GLMN: variants seen among roughly 807,000 people sequenced by gnomAD.
GLMN encodes glomulin.
A neutral mutation model predicts 87.8 loss-of-function variants in GLMN; 75 were observed. The observed-to-expected ratio is 0.85, with a 90% confidence interval of 0.71 to 1.04. The LOEUF (loss-of-function observed/expected upper bound fraction) is 1.04. Among genes scored for constraint, GLMN ranks in the 50% least tolerant of loss-of-function variants. The pLI is 0.00. For missense variants in GLMN, 588 were observed against 658.8 expected (o/e 0.89, Z 1.18); for synonymous variants, 206 against 221.6 (o/e 0.93, Z 0.63).
intron 7 of GLMN, among the ~76,000 whole-genome samples, chr1:92,277,482 T>G (rs1168378462): frequency 6.6e-6 from 1 of 152,178 alleles, no homozygotes; most frequent in South Asian, 2.1e-4. Flanking sequence ...CTGGATAGCC[T>G]CAGGATGGGA....
chr1:92,305,703 C>A, the GLMN span, among the ~76,000 whole-genome samples: 3 of 151,984 alleles, frequency 2.0e-5, no homozygotes, highest in East Asian at 1.9e-4. Context: ...ACACAAGGAA[C>A]TTGAATGGCT....
chr1:92,265,448 C>T (rs1655514095), intron 13 of GLMN, among the ~76,000 whole-genome samples: 1 of 152,058 alleles, frequency 6.6e-6, no homozygotes, highest in Admixed American at 6.5e-5. Context: ...CATAAACTTG[C>T]TCTTACTATC....
At chr1:92,362,467 G>C in the GLMN span, among the ~76,000 whole-genome samples, 1 of 152,154 alleles carries the variant, frequency 6.6e-6, no homozygotes, top group Non-Finnish European at 1.5e-5. Context: ...ACTATTGGCT[G>C]TTTGTGTTGT....
chr1:92,330,660 C>G, the GLMN span, among the ~76,000 whole-genome samples: 3 of 151,916 alleles, frequency 2.0e-5, no homozygotes, highest in South Asian at 6.3e-4. Context: ...TTGGCCAGGC[C>G]AGGTTGGTCT....
At chr1:92,343,515 A>C in the GLMN span, among the ~76,000 whole-genome samples, 5,632 of 152,280 alleles carry the variant, frequency 0.037, 265 homozygotes, top group African/African-American at 0.11. Flanking sequence ...GATGGGGAAA[A>C]TTCAGATTAA....
intron 3 of GLMN, among the ~76,000 whole-genome samples, chr1:92,293,114 G>GA (rs1649610621): frequency 6.6e-6 from 1 of 151,922 alleles, no homozygotes; most frequent in Admixed American, 6.6e-5. Context: ...AACACTAAAG[G>GA]AAAAAATCTA....
the GLMN span, among the ~76,000 whole-genome samples, chr1:92,324,805 A>T: frequency 6.6e-6 from 1 of 152,198 alleles, no homozygotes; most frequent in African/African-American, 2.4e-5. Context: ...TTTAGCAAGC[A>T]TGTCCATTGA....
intron 7 of GLMN, among the ~76,000 whole-genome samples, chr1:92,285,680 C>T (rs528041685): frequency 6.6e-6 from 1 of 152,138 alleles, no homozygotes; most frequent in African/African-American, 2.4e-5. Context: ...ACAACTTACC[C>T]TGTTCTTAAA....
At chr1:92,265,009 T>C (rs541796534) in intron 13 of GLMN, among the ~76,000 whole-genome samples, 1 of 152,152 alleles carries the variant, frequency 6.6e-6, no homozygotes, top group Non-Finnish European at 1.5e-5. Flanking sequence ...GCCTGGCTAA[T>C]TTTTTGTATT....
upstream of GLMN, among the ~76,000 whole-genome samples, chr1:92,300,924 TAAAC>T (rs1031666175): frequency 3.4e-4 from 52 of 152,284 alleles, no homozygotes; most frequent in African/African-American, 1.2e-3. Context: ...TTAATTAACA[TAAAC>T]AAATACATAA....
the GLMN span, among the ~76,000 whole-genome samples, chr1:92,343,533 A>C: frequency 6.6e-6 from 1 of 152,216 alleles, no homozygotes; most frequent in African/African-American, 2.4e-5. Flanking sequence ...TAATGTAACA[A>C]AATATATCCT....
At chr1:92,294,516 T>C (rs1649801576) in intron 3 of GLMN, among the ~76,000 whole-genome samples, 1 of 152,234 alleles carries the variant, frequency 6.6e-6, no homozygotes, top group Non-Finnish European at 1.5e-5. Context: ...AATTATAATA[T>C]ACTGTAATAA....
intron 7 of GLMN, among the ~76,000 whole-genome samples, chr1:92,274,754 T>C (rs1303139451): frequency 1.3e-5 from 2 of 152,192 alleles, no homozygotes; most frequent in Non-Finnish European, 2.9e-5. Context: ...TATTCTGTAT[T>C]TGATACTTTA....
chr1:92,268,136 C>A lies in GLMN; in HGVS notation c.978-1G>T. On this transcript the variant is annotated splice_acceptor_variant, in intron 9 of 18. Coordinates refer to ENST00000370360, the MANE Select transcript of GLMN (RefSeq NM_053274.3). LOFTEE classifies it high-confidence loss of function. ...TTTGGAGATAACAGACTCTTCTGTT[C>A]TGAAAAATAATATTAAAATTTATCA... 2 of 1,380,750 alleles carry A rather than the reference C, an allele frequency of 1.4e-6. No individual in the cohort carries two copies. Among genetic ancestry groups the A allele is most frequent in the Non-Finnish European group, 2.1e-6 (2 of 970,562 alleles). The allele number at this position is 1,380,750 out of a possible 1,614,324, so 85.5% of individuals were successfully genotyped here.
At chr1:92,342,101 T>C in the GLMN span, among the ~76,000 whole-genome samples, 3 of 152,286 alleles carry the variant, frequency 2.0e-5, no homozygotes, top group South Asian at 2.1e-4. Flanking sequence ...TACATTCTAA[T>C]AGAGGGAGTA....
the GLMN span, among the ~76,000 whole-genome samples, chr1:92,342,301 G>A: frequency 3.3e-5 from 5 of 152,172 alleles, no homozygotes; most frequent in Admixed American, 3.3e-4. Flanking sequence ...GGAATTAGCA[G>A]GTGCAAAGAC....
chr1:92,344,691 A>G, the GLMN span, among the ~76,000 whole-genome samples: 2 of 152,164 alleles, frequency 1.3e-5, no homozygotes, highest in Non-Finnish European at 2.9e-5. Context: ...TTGTCATTCA[A>G]TTGCTCACAT....
chr1:92,360,044 T>C, the GLMN span, among the ~76,000 whole-genome samples: 3 of 152,184 alleles, frequency 2.0e-5, no homozygotes, highest in Admixed American at 2.0e-4. Flanking sequence ...ATAGGCTCTG[T>C]AAAAACATAT....
At chr1:92,267,889 T>C in intron 11 of GLMN, 24 bp downstream of exon 11, 1 of 1,075,638 alleles carries the variant, frequency 9.3e-7, no homozygotes, top group Non-Finnish European at 1.5e-6. Flanking sequence ...CTATTTTCAA[T>C]ATTAGAATAC....
Sources: gnomAD v4.1 joint callset for allele counts (sites outside exome capture counted in the v4.1 genomes callset) on GRCh38, gnomAD v4.1.1 for gene constraint, MANE v1.5 for transcripts, NCBI Gene and HGNC (gene_info 2026-07-23, HGNC 2026-07-21) for gene names.